KCTD1: variants seen among roughly 807,000 people sequenced by gnomAD.
The protein encoded by KCTD1 is BTB/POZ domain-containing protein KCTD1.
KCTD1 carries 24 observed loss-of-function variants against 66.0 expected under a neutral mutation model. The observed-to-expected ratio is 0.36, with a 90% CI of 0.26 to 0.51. KCTD1 has a LOEUF of 0.51. KCTD1 is among the 20% of genes least tolerant of loss of function. The pLI is 0.95. For synonymous variants in KCTD1, 511 were observed against 517.2 expected, an observed-to-expected ratio of 0.99 and a Z score of 0.16; for missense variants, 943 against 1,205.2, an observed-to-expected ratio of 0.78 and a Z score of 3.22.
chr18:26,460,937 G>T (rs780165572), intron 3 of KCTD1: 10 of 152,198 alleles, frequency 6.6e-5, no homozygotes, highest in African/African-American at 2.4e-4. Flanking sequence ...AAGATAAGTG[G>T]ATACTTGTCT....
chr18:26,455,810 C>A lies in KCTD1; in HGVS notation c.2531G>T (p.Arg844Leu), dbSNP rs369248031. The A allele has an allele frequency of 1.2e-6, 2 of 1,614,150 alleles. No individual in the cohort carries two copies. The highest frequency in any genetic ancestry group is 2.2e-5 in the South Asian group (2 of 91,074). ...ACGGGGCGTCCGCCTCAGTTCCCGC[C>A]GAAGGACGTATTCGCTGAACTGGGA... is the stretch of plus-strand genomic sequence containing the variant. ...DSSQFSEYVL[R>L]RELRRTPRVP... The change falls in exon 5 of 5, where the codon CGG (arginine) becomes CTG (leucine). Residue 844 changes from arginine (R) to leucine (L), a missense_variant. Around this residue, in one of 10 missense-constraint regions of KCTD1, gnomAD observed 162 missense variants for 232.4 expected, o/e 0.70. Coordinates refer to ENST00000580059, the MANE Select transcript of KCTD1 (RefSeq NM_001142730.3).
chr18:26,494,235 G>A (rs1982353265), intron 2 of KCTD1, among the ~76,000 whole-genome samples: 2 of 152,162 alleles, frequency 1.3e-5, no homozygotes, highest in African/African-American at 4.8e-5. Flanking sequence ...GCCGGGTATG[G>A]TGGTGCATGC....
chr18:26,642,283 C>T (rs1987848258), upstream of KCTD1, among the ~76,000 whole-genome samples: 3 of 152,194 alleles, frequency 2.0e-5, no homozygotes. Flanking sequence ...GAGCGAGTGA[C>T]CACTGCCCTG....
intron 1 of KCTD1, among the ~76,000 whole-genome samples, chr18:26,530,481 G>A (rs1253250619): frequency 6.6e-6 from 1 of 152,170 alleles, no homozygotes; most frequent in Non-Finnish European, 1.5e-5. Context: ...GAACTTTGGG[G>A]CAAGTCCATC....
upstream of KCTD1, among the ~76,000 whole-genome samples, chr18:26,551,944 GA>G (rs1021679729): frequency 1.3e-5 from 2 of 152,148 alleles, no homozygotes; most frequent in Admixed American, 6.5e-5. Context: ...TCACCCCTTT[GA>G]AAGGATGCTT....
intron 2 of KCTD1, among the ~76,000 whole-genome samples, chr18:26,483,747 ATGTGTG>A (rs146149128): frequency 6.7e-6 from 1 of 150,334 alleles, no homozygotes; most frequent in Non-Finnish European, 1.5e-5. Flanking sequence ...CACAACGGAG[ATGTGTG>A]TGTGTGTGTG....
At chr18:26,610,587 GAGAA>G (rs200393763) in intron 1 of KCTD1, among the ~76,000 whole-genome samples, 2,430 of 146,638 alleles carry the variant, frequency 0.017, 70 homozygotes, top group African/African-American at 0.057. Flanking sequence ...GAGAGAGAGA[GAGAA>G]AGAAAGGAAG....
chr18:26,546,304 T>A (rs562293856), intron 1 of KCTD1, among the ~76,000 whole-genome samples: 1 of 152,264 alleles, frequency 6.6e-6, no homozygotes, highest in African/African-American at 2.4e-5. Context: ...TTCTACCTTC[T>A]AAGGTCATGG....
At chr18:26,538,887 A>G (rs1032343944) in intron 1 of KCTD1, among the ~76,000 whole-genome samples, 1 of 152,100 alleles carries the variant, frequency 6.6e-6, no homozygotes, top group Non-Finnish European at 1.5e-5. Context: ...GTTGCTCCAA[A>G]TCCCAGACCC....
chr18:26,467,503 G>A (rs796442352), intron 3 of KCTD1, among the ~76,000 whole-genome samples: 23 of 152,182 alleles, frequency 1.5e-4, no homozygotes, highest in African/African-American at 3.6e-4. Context: ...GGGTGACAGC[G>A]CAAGACCCTG....
intron 1 of KCTD1, among the ~76,000 whole-genome samples, chr18:26,613,744 G>A (rs1475689205): frequency 6.6e-6 from 1 of 152,192 alleles, no homozygotes; most frequent in Non-Finnish European, 1.5e-5. Flanking sequence ...AGAGAGAAGA[G>A]GCTCTTTCAT....
chr18:26,543,378 G>C (rs1289717941), intron 1 of KCTD1: 1 of 152,132 alleles, frequency 6.6e-6, no homozygotes, highest in Non-Finnish European at 1.5e-5. Flanking sequence ...AAGAAATAAA[G>C]AACATCCCTC....
At chr18:26,482,816 C>T (rs888683753) in intron 2 of KCTD1, among the ~76,000 whole-genome samples, 2 of 152,160 alleles carry the variant, frequency 1.3e-5, no homozygotes, top group African/African-American at 4.8e-5. Context: ...TGGACCAACC[C>T]AGAGAGGGTG....
At chr18:26,649,890 G>A (rs1197053465) in intron 1 of KCTD1, among the ~76,000 whole-genome samples, 2 of 152,194 alleles carry the variant, frequency 1.3e-5, no homozygotes, top group Non-Finnish European at 2.9e-5. Flanking sequence ...GCCAATGTGT[G>A]TCACTGCCAT....
upstream of KCTD1, among the ~76,000 whole-genome samples, chr18:26,550,958 C>T (rs1198210315): frequency 6.6e-6 from 1 of 152,222 alleles, no homozygotes; most frequent in Non-Finnish European, 1.5e-5. This position sits in a 1 kb window ranked among gnomAD's most constrained non-coding sequence, Gnocchi z 5.4. Flanking sequence ...GCCATAAGCG[C>T]AGGGACCCGG....
rs1456879485 is a variant in KCTD1, at chr18:26,468,832, G to A, written c.2133+7683C>T. Among the ~76,000 whole-genome samples, 3 of 152,156 alleles carry A rather than the reference G, an allele frequency of 2.0e-5. No individual in the cohort carries two copies. Among genetic ancestry groups the A allele is most frequent in the Non-Finnish European group, 4.4e-5 (3 of 68,030 alleles). On this transcript the variant is annotated intron_variant, in intron 3 of 4. Coordinates refer to ENST00000580059, the MANE Select transcript of KCTD1 (RefSeq NM_001142730.3). This position sits in a 1 kb window ranked among gnomAD's most constrained non-coding sequence, Gnocchi z 4.8. The stretch of plus-strand genomic sequence containing the variant: ...GCTGCACTCCAGCCTGGGCGACAGA[G>A]CAAGACTTTGTCTCAAAGAAACCAA...
chr18:26,646,335 T>C (rs1987926421), intron 1 of KCTD1, among the ~76,000 whole-genome samples: 1 of 152,200 alleles, frequency 6.6e-6, no homozygotes, highest in Admixed American at 6.5e-5. Flanking sequence ...CTTTTCTTTT[T>C]CTCCATCCTT....
intron 1 of KCTD1, among the ~76,000 whole-genome samples, chr18:26,578,039 TTTTCTTTTCTTTTC>T (rs1286499965): frequency 2.7e-5 from 4 of 147,090 alleles, no homozygotes; most frequent in African/African-American, 1.0e-4. Flanking sequence ...TCCACCTTGC[TTTTCTTTTCTTTTC>T]TTTCTTTTTT....
At chr18:26,610,492 T>G (rs957542724) in intron 1 of KCTD1, among the ~76,000 whole-genome samples, 1 of 152,032 alleles carries the variant, frequency 6.6e-6, no homozygotes, top group East Asian at 1.9e-4. Flanking sequence ...GCAGGAGGAT[T>G]GTTTGAGCCC....
Sources: allele counts gnomAD v4.1 joint callset (sites outside exome capture counted in the v4.1 genomes callset), GRCh38; gene constraint gnomAD v4.1.1; regional missense constraint gnomAD v4.1.1; non-coding constraint Gnocchi (gnomAD v3.1); transcripts MANE v1.5; gene names NCBI Gene and HGNC (gene_info 2026-07-23, HGNC 2026-07-21).